Variants in ZNF277 observed in about 807,000 individuals in gnomAD.
ZNF277 encodes zinc finger protein 277.
In ZNF277, 55 loss-of-function variants were observed where a neutral mutation model predicts 60.7. That is an observed-to-expected ratio of 0.91 (90% CI 0.73 to 1.13). The LOEUF (loss-of-function observed/expected upper bound fraction) is 1.13. Ranked by LOEUF, ZNF277 falls within the 50% of genes most tolerant of loss-of-function variation. The pLI, the probability that ZNF277 is intolerant of heterozygous loss-of-function variation, is 0.00. For missense variants in ZNF277, 510 were observed against 523.0 expected (o/e 0.98, Z 0.24); for synonymous variants, 178 against 179.3 (o/e 0.99, Z 0.06).
At chr7:112,233,631 G>GC (rs1371153071) in intron 1 of ZNF277, among the ~76,000 whole-genome samples, 1 of 152,172 alleles carries the variant, frequency 6.6e-6, no homozygotes, top group East Asian at 1.9e-4. Context: ...TTTTTTCAAA[G>GC]CAGAGGCACT....
Position 112,311,419 on chromosome 7 carries a change from C to T in ZNF277, c.466-6763C>T, listed in dbSNP as rs1233160335. Among the ~76,000 whole-genome samples, 2 of 152,118 alleles carry T rather than the reference C, an allele frequency of 1.3e-5. 1 individual carries two copies. Among genetic ancestry groups the T allele is most frequent in the Non-Finnish European group, 2.9e-5 (2 of 67,998 alleles). On this transcript the variant is annotated intron_variant, in intron 4 of 11. Transcript: ENST00000361822. Reference sequence around the variant, plus strand: ...GAAAATATTAACTGATTTTTATCAGCTTCTTTGAGAGGCTCAAATGTATAA... The same window carrying T: ...GAAAATATTAACTGATTTTTATCAGTTTCTTTGAGAGGCTCAAATGTATAA...
At chr7:112,314,078 A>G (rs1792788821) in intron 4 of ZNF277, among the ~76,000 whole-genome samples, 1 of 152,140 alleles carries the variant, frequency 6.6e-6, no homozygotes, top group Admixed American at 6.6e-5. Context: ...CTATGGTAAA[A>G]AAGGAAGTAT....
chr7:112,271,613 A>G (rs2117038949), intron 1 of ZNF277, among the ~76,000 whole-genome samples: 1 of 152,352 alleles, frequency 6.6e-6, no homozygotes, highest in African/African-American at 2.4e-5. Flanking sequence ...TTGAAGAAAA[A>G]GGATTTATTA....
chr7:112,214,089 G>C (rs1353494922), intron 1 of ZNF277, among the ~76,000 whole-genome samples: 1 of 152,192 alleles, frequency 6.6e-6, no homozygotes, highest in Non-Finnish European at 1.5e-5. Context: ...TGATGGGTCA[G>C]ATACCGAATT....
At chr7:112,254,220 C>T (rs546884437) in intron 1 of ZNF277, among the ~76,000 whole-genome samples, 1 of 152,322 alleles carries the variant, frequency 6.6e-6, no homozygotes, top group East Asian at 1.9e-4. Context: ...ACATTCATAT[C>T]ACATGTTGGT....
At chr7:112,290,276 CAG>C (rs1398512584) in intron 2 of ZNF277, among the ~76,000 whole-genome samples, 2 of 152,180 alleles carry the variant, frequency 1.3e-5, no homozygotes, top group Non-Finnish European at 2.9e-5. Context: ...ATGTCTGAAT[CAG>C]AGTTTGTATT....
At chr7:112,249,726 A>G (rs1791160836) in intron 1 of ZNF277, among the ~76,000 whole-genome samples, 1 of 152,192 alleles carries the variant, frequency 6.6e-6, no homozygotes, top group African/African-American at 2.4e-5. Context: ...GTAATTTCTT[A>G]TGCCTGTCTT....
chr7:112,235,127 C>T (rs73422544), intron 1 of ZNF277, among the ~76,000 whole-genome samples: 1,799 of 151,898 alleles, frequency 0.012, 32 homozygotes, highest in African/African-American at 0.04. Context: ...AAAACAATTT[C>T]GCTCCAATAT....
At chr7:112,308,166 CA>C (rs1047454182) in intron 4 of ZNF277, among the ~76,000 whole-genome samples, 2 of 151,942 alleles carry the variant, frequency 1.3e-5, no homozygotes, top group Non-Finnish European at 2.9e-5. Flanking sequence ...TTCTGATACC[CA>C]CCCAATAAGG....
intron 1 of ZNF277, among the ~76,000 whole-genome samples, chr7:112,272,752 C>A (rs528114727): frequency 3.7e-4 from 57 of 152,306 alleles, no homozygotes; most frequent in African/African-American, 1.4e-3. Context: ...CCTCGGACTT[C>A]CAAAGTGCTG....
rs775884672 is a variant in ZNF277, at chr7:112,337,815, G to A, written c.955G>A (p.Val319Ile). 3 of 1,610,882 alleles carry A rather than the reference G, an allele frequency of 1.9e-6. No homozygotes were observed. The East Asian group carries it at 6.7e-5, about 36-fold the overall frequency. ...AGCAGAAACAATTGAGAAGTTGTAT[G>A]TCCACATGGAGGTAAGATACCTGTA... is the stretch of plus-strand genomic sequence containing the variant. ...KQAETIEKLY[V>I]HMEDAHEFDL... The change falls in exon 9 of 12, where the codon GTC becomes ATC. Residue 319 changes from valine (V) to isoleucine (I), a missense_variant. Val to Ile is a conservative substitution (Grantham distance 29). Coordinates refer to ENST00000361822, the MANE Select transcript of ZNF277 (RefSeq NM_021994.3).
chr7:112,238,615 T>C (rs1181219632), intron 1 of ZNF277, among the ~76,000 whole-genome samples: 1 of 151,936 alleles, frequency 6.6e-6, no homozygotes, highest in Non-Finnish European at 1.5e-5. Context: ...CCCAACCCTA[T>C]GCATCACAGT....
chr7:112,286,841 C>CTTTTTTTTTTTTTTTTTTTTTTTTT lies in ZNF277; in HGVS notation c.92-13_92-12insTTTTTTTTTTTTTTTTTTTTTTTTT, dbSNP rs10710470. The CTTTTTTTTTTTTTTTTTTTTTTTTT allele has an allele frequency of 5.4e-5, 51 of 952,476 alleles. 8 individuals are homozygous for CTTTTTTTTTTTTTTTTTTTTTTTTT. The highest frequency in any genetic ancestry group is 2.9e-4 in the South Asian group (14 of 48,854). 59.0% of individuals were successfully genotyped at this position (952,476 alleles called of 1,614,324 possible). On this transcript the variant is annotated intron_variant, in intron 1 of 11. Coordinates refer to ENST00000361822, the MANE Select transcript of ZNF277 (RefSeq NM_021994.3). ...AGTTGGTTTCAGCTTTTCTTTCTTTCTTTTTTTTTTTTTTTTTTTGGTCTA... is the reference window on the plus strand; with the variant it reads ...AGTTGGTTTCAGCTTTTCTTTCTTTCTTTTTTTTTTTTTTTTTTTTTTTTTTTTTTTTTTTTTTTTTTTTGGTCTA...
Position 112,295,927 on chromosome 7 carries a change from G to A in ZNF277, c.352G>A (p.Val118Ile), listed in dbSNP as rs1323311496. Reference sequence around the variant, plus strand: ...ACAGCCCATCACAGATTTTTGTAGTGTAATAAGAATTAATTCCACTGCTCC... The same window carrying A: ...ACAGCCCATCACAGATTTTTGTAGTATAATAAGAATTAATTCCACTGCTCC... ...TEQPITDFCS[V>I]IRINSTAPFE... Residue 118 changes from valine to isoleucine, a missense_variant, in exon 3 of 12, where the codon GTA becomes ATA. By Grantham distance (29) the Val-to-Ile change is conservative. Transcript: ENST00000361822. 2 of 1,612,824 alleles carry A rather than the reference G, an allele frequency of 1.2e-6. No individual in the cohort carries two copies. Among genetic ancestry groups the A allele is most frequent in the Non-Finnish European group, 1.7e-6 (2 of 1,179,174 alleles).
chr7:112,315,575 A>T (rs1792826013), intron 4 of ZNF277, among the ~76,000 whole-genome samples: 1 of 152,162 alleles, frequency 6.6e-6, no homozygotes, highest in South Asian at 2.1e-4. Context: ...TATGGTAGTA[A>T]TTGTTCACAG....
chr7:112,304,836 T>C (rs1792553513), intron 4 of ZNF277, among the ~76,000 whole-genome samples: 1 of 152,182 alleles, frequency 6.6e-6, no homozygotes, highest in African/African-American at 2.4e-5. Flanking sequence ...TGTTCACTTA[T>C]TCACATCATG....
rs368964744 is a variant in ZNF277 at position 112,343,275 on chromosome 7, A to C, written c.*546A>C. On this transcript the variant is annotated 3_prime_UTR_variant, in exon 12 of 12. Transcript: ENST00000361822. ...ATTGGCCATTATATTAGAACAATCA[A>C]GAGCTGACTGTGTTATTACCACTTT... Among the ~76,000 whole-genome samples, 180 of 152,340 alleles carry C rather than the reference A, an allele frequency of 1.2e-3. No individual in the cohort carries two copies. Among genetic ancestry groups the C allele is most frequent in the African/African-American group, 4.1e-3 (169 of 41,582 alleles).
At chr7:112,275,590 T>C (rs375069627) in intron 1 of ZNF277, among the ~76,000 whole-genome samples, 3 of 152,312 alleles carry the variant, frequency 2.0e-5, no homozygotes, top group African/African-American at 7.2e-5. Flanking sequence ...CTGATTTAAA[T>C]CTACAAATAA....
chr7:112,237,432 T>TA (rs1587103686), intron 1 of ZNF277, among the ~76,000 whole-genome samples: 1 of 151,622 alleles, frequency 6.6e-6, no homozygotes, highest in Non-Finnish European at 1.5e-5. Context: ...AAAGTTCTGT[T>TA]AAAAAAAGAT....
Sources: allele counts gnomAD v4.1 joint callset (sites outside exome capture counted in the v4.1 genomes callset), GRCh38; gene constraint gnomAD v4.1.1; transcripts MANE v1.5; gene names NCBI Gene and HGNC (gene_info 2026-07-23, HGNC 2026-07-21).